MALRD1: variants seen among roughly 807,000 people sequenced by gnomAD.
MALRD1 encodes the protein MAM and LDL receptor class A domain containing 1, also known as MAM and LDL-receptor class A domain-containing protein 1.
In MALRD1, 247 loss-of-function variants were observed where a neutral mutation model predicts 242.1. The ratio of observed to expected loss-of-function variants is 1.02; its 90% confidence interval spans 0.92 to 1.13. The LOEUF (loss-of-function observed/expected upper bound fraction) is 1.13. MALRD1 is among the 50% of genes most tolerant of loss of function. The pLI is 0.00. For missense variants in MALRD1, 2,989 were observed against 2,533.1 expected (o/e 1.18, Z -3.86); for synonymous variants, 995 against 866.6 (o/e 1.15, Z -2.60).
intron 28 of MALRD1, among the ~76,000 whole-genome samples, chr10:19,437,314 C>T (rs1439163594): frequency 6.6e-6 from 1 of 151,882 alleles, no homozygotes; most frequent in East Asian, 1.9e-4. Context: ...TGTTCCACTG[C>T]TTTGTATATT....
intron 36 of MALRD1, among the ~76,000 whole-genome samples, chr10:19,670,091 C>A (rs963538532): frequency 7.3e-5 from 11 of 149,896 alleles, no homozygotes; most frequent in African/African-American, 2.2e-4. Context: ...CACACACACA[C>A]AAACACACAC....
chr10:19,436,729 G>T (rs929127658), intron 28 of MALRD1, among the ~76,000 whole-genome samples: 12 of 152,146 alleles, frequency 7.9e-5, no homozygotes, highest in African/African-American at 2.9e-4. Flanking sequence ...TGATTGGTCA[G>T]ATTCTGCATT....
At chr10:19,451,208 T>A (rs1381336280) in intron 29 of MALRD1, among the ~76,000 whole-genome samples, 1 of 152,176 alleles carries the variant, frequency 6.6e-6, no homozygotes, top group Non-Finnish European at 1.5e-5. Context: ...TAATTATAAA[T>A]GAACCAGTAA....
At chr10:19,313,328 T>C (rs1842510310) in intron 21 of MALRD1, among the ~76,000 whole-genome samples, 1 of 151,314 alleles carries the variant, frequency 6.6e-6, no homozygotes, top group African/African-American at 2.4e-5. Flanking sequence ...ATATTGAAAA[T>C]ATTAAGCAAT....
At chr10:19,692,607 CTTCAACATTTCCT>C in intron 38 of MALRD1, 53 bp downstream of exon 38, 1 of 1,383,562 alleles carries the variant, frequency 7.2e-7, no homozygotes, top group East Asian at 2.5e-5. Context: ...GAAAAATTTT[CTTCAACATTTCCT>C]TTGCTATTTT....
chr10:19,123,298 G>GGT (rs1234064993), intron 5 of MALRD1, among the ~76,000 whole-genome samples, 194 bp from the exon 6 acceptor site: 1 of 137,432 alleles, frequency 7.3e-6, no homozygotes, highest in African/African-American at 2.9e-5. Context: ...CTATTTGAGT[G>GGT]GTGTGTATGT....
At chr10:19,406,682 T>G (rs958248587) in intron 28 of MALRD1, among the ~76,000 whole-genome samples, 1 of 152,188 alleles carries the variant, frequency 6.6e-6, no homozygotes, top group Non-Finnish European at 1.5e-5. Flanking sequence ...TAAAGGGCAT[T>G]GAGATCTGTT....
intron 19 of MALRD1, among the ~76,000 whole-genome samples, chr10:19,270,111 T>C (rs1840143399): frequency 6.6e-6 from 1 of 152,144 alleles, no homozygotes; most frequent in South Asian, 2.1e-4. Flanking sequence ...GGTCAGGAGT[T>C]TGAGACCAGC....
chr10:19,661,249 T>G (rs1443661032), intron 36 of MALRD1, among the ~76,000 whole-genome samples: 3 of 152,256 alleles, frequency 2.0e-5, no homozygotes, highest in East Asian at 3.9e-4. Flanking sequence ...GATCTAGAAC[T>G]AGAAATACCA....
At chr10:19,115,229 A>G (rs1471562899) in intron 5 of MALRD1, among the ~76,000 whole-genome samples, 1 of 151,958 alleles carries the variant, frequency 6.6e-6, no homozygotes, top group Non-Finnish European at 1.5e-5. Context: ...TCTTACCCAC[A>G]ATTCACTCCT....
intron 29 of MALRD1, among the ~76,000 whole-genome samples, chr10:19,462,544 C>A (rs1477058855): frequency 6.6e-6 from 1 of 152,210 alleles, no homozygotes; most frequent in East Asian, 1.9e-4. Flanking sequence ...CCATGGCAGT[C>A]ATTTCCTGAT....
chr10:19,397,802 G>A (rs1012339634), intron 28 of MALRD1, among the ~76,000 whole-genome samples: 5 of 152,018 alleles, frequency 3.3e-5, no homozygotes, highest in South Asian at 4.1e-4. Flanking sequence ...GTTCCACAAC[G>A]TTGCTAACAC....
chr10:19,074,126 C>T (rs2131263604), intron 2 of MALRD1, among the ~76,000 whole-genome samples: 1 of 152,214 alleles, frequency 6.6e-6, no homozygotes, highest in Non-Finnish European at 1.5e-5. Flanking sequence ...AGAATTATGT[C>T]CTCCAAAGGT....
In MALRD1 at chr10:19,578,623, C is replaced by T. The variant is rs901510728; in HGVS notation, c.5680+10920C>T. 7.3e-5 allele frequency among the ~76,000 whole-genome samples: 11 copies of T among 151,712 alleles called. 1 individual carries two copies. The highest frequency in any genetic ancestry group is 3.9e-4 in the Admixed American group (6 of 15,228). On this transcript the variant is annotated intron_variant, in intron 33 of 39. Transcript: ENST00000454679. ...AGAAGAATTGCTTGAACCCAGGAGG[C>T]GGAGGTTGCAGTGAGCTGAGATCAT...
rs117579286 is a variant in MALRD1, at chr10:19,356,766, T to C, written c.4441+4469T>C. ...AAGAGCTCCATTAGTTGATGTGATA[T>C]TTGTAAATTTCCAATAATTTCAGCT... On this transcript the variant is annotated intron_variant, in intron 26 of 39. Transcript: ENST00000454679. 6.4e-4 allele frequency among the ~76,000 whole-genome samples: 98 copies of C among 152,196 alleles called. 3 individuals are homozygous for C. In the East Asian group the frequency reaches 0.018, roughly 28 times the overall value.
In MALRD1 at chr10:19,595,405, G is replaced by A. The variant is rs201359837; in HGVS notation, c.5892G>A (p.Leu1964=). 41 of 1,550,282 alleles carry A rather than the reference G, an allele frequency of 2.6e-5. No individual in the cohort carries two copies. The highest frequency in any genetic ancestry group is 3.6e-5 in the Non-Finnish European group (41 of 1,146,850). ...CAGACGAGTGTATACCTTCCCTCCT[G>A]CTATGCGATGGAGTGCCCGACTGCC... ...CSTDECIPSL[L]LCDGVPDCHF... The change falls in exon 34 of 40, where the codon CTG becomes CTA. Residue 1964 remains leucine (L), a synonymous_variant. Coordinates refer to ENST00000454679, the MANE Select transcript of MALRD1 (RefSeq NM_001142308.3).
At chr10:19,242,570 A>T (rs555382409) in intron 18 of MALRD1, among the ~76,000 whole-genome samples, 62 of 152,158 alleles carry the variant, frequency 4.1e-4, no homozygotes, top group African/African-American at 8.4e-4. Context: ...TTTAAATCTA[A>T]TATTTGCTTT....
At chr10:19,693,413 C>A (rs918632653) in intron 38 of MALRD1, among the ~76,000 whole-genome samples, 1 of 152,124 alleles carries the variant, frequency 6.6e-6, no homozygotes, top group Admixed American at 6.5e-5. Context: ...AAATCACAAG[C>A]ATTCTTATAC....
intron 1 of MALRD1, among the ~76,000 whole-genome samples, chr10:19,055,212 T>A (rs189531269): frequency 6.6e-6 from 1 of 152,338 alleles, no homozygotes; most frequent in Admixed American, 6.5e-5. Flanking sequence ...TTGAGTAATA[T>A]CTGCTAAGGT....
Sources: allele counts gnomAD v4.1 joint callset (sites outside exome capture counted in the v4.1 genomes callset), GRCh38; gene constraint gnomAD v4.1.1; transcripts MANE v1.5; gene names NCBI Gene and HGNC (gene_info 2026-07-23, HGNC 2026-07-21).